The following IGF2BP2 variants were observed in gnomAD, a reference collection of about 807,000 sequenced individuals.
IGF2BP2 encodes insulin like growth factor 2 mRNA binding protein 2.
A neutral mutation model predicts 75.8 loss-of-function variants in IGF2BP2; 17 were observed. That is an observed-to-expected ratio of 0.22 (90% confidence interval 0.15 to 0.34). The LOEUF is 0.34. Ranked by LOEUF, IGF2BP2 falls within the 10% of genes least tolerant of loss-of-function variation. IGF2BP2 has a pLI of 1.00. For missense variants in IGF2BP2, 516 were observed against 772.4 expected (o/e 0.67, Z 3.93); for synonymous variants, 288 against 295.6 (o/e 0.97, Z 0.26).
At chr3:185,705,150 G>A (rs923113711) in intron 2 of IGF2BP2, among the ~76,000 whole-genome samples, 4 of 152,244 alleles carry the variant, frequency 2.6e-5, no homozygotes, top group African/African-American at 9.6e-5. Flanking sequence ...AGGCTAGAGT[G>A]CAGTGGTGCG....
intron 2 of IGF2BP2, among the ~76,000 whole-genome samples, chr3:185,820,261 CACACACACACACAT>C (rs1741199877): frequency 8.0e-6 from 1 of 125,498 alleles, no homozygotes; most frequent in Admixed American, 7.4e-5. Context: ...CACACACACA[CACACACACACACAT>C]AATTTTTAAG....
At chr3:185,667,303 A>C (rs1006051511) in intron 10 of IGF2BP2, among the ~76,000 whole-genome samples, 1 of 150,866 alleles carries the variant, frequency 6.6e-6, no homozygotes, top group Admixed American at 6.6e-5. Context: ...AAAACCAACA[A>C]CTAAAAATTA....
intron 7 of IGF2BP2, among the ~76,000 whole-genome samples, chr3:185,677,058 TATATATATATAGAGAGAG>T (rs1276425459): frequency 1.8e-5 from 1 of 54,560 alleles, no homozygotes; most frequent in African/African-American, 8.3e-5. Flanking sequence ...TATATATATA[TATATATATATAGAGAGAG>T]AGAGAGAGAG....
At chr3:185,649,074 C>G (rs1386111774) in intron 14 of IGF2BP2, among the ~76,000 whole-genome samples, 1 of 151,992 alleles carries the variant, frequency 6.6e-6, no homozygotes, top group Non-Finnish European at 1.5e-5. Context: ...GGGCAGAAGA[C>G]AGCCTCTCTG....
chr3:185,734,902 G>A (rs1187838585), intron 2 of IGF2BP2, among the ~76,000 whole-genome samples: 1 of 152,024 alleles, frequency 6.6e-6, no homozygotes, highest in African/African-American at 2.4e-5. Flanking sequence ...CAACTCCGAC[G>A]TGCCTCAATC....
rs1470611290 is a variant in IGF2BP2, at chr3:185,653,830, G to A, written c.1387-1662C>T. ...GCAAAACCAAAGTAGGGATTCAAGG[G>A]AGGCACCAATCCTGAGTCTAGGTCT... On this transcript the variant is annotated intron_variant, in intron 12 of 15. Transcript: ENST00000382199. Among the ~76,000 whole-genome samples the A allele has an allele frequency of 2.6e-5, 4 of 152,160 alleles. No individual in the cohort carries two copies. In the East Asian group the frequency reaches 7.7e-4, roughly 29 times the overall value.
At chr3:185,718,458 C>A (rs768422471) in intron 2 of IGF2BP2, among the ~76,000 whole-genome samples, 1 of 151,906 alleles carries the variant, frequency 6.6e-6, no homozygotes, top group African/African-American at 2.4e-5. Flanking sequence ...GAGGCCGAGG[C>A]GGGCAGATCA....
chr3:185,813,251 A>C (rs1740152824), intron 2 of IGF2BP2, among the ~76,000 whole-genome samples: 1 of 152,264 alleles, frequency 6.6e-6, no homozygotes, highest in African/African-American at 2.4e-5. Context: ...ATTTTAAAAA[A>C]TAATAAACAG....
chr3:185,708,693 C>A (rs1011967178), intron 2 of IGF2BP2, among the ~76,000 whole-genome samples: 1 of 152,032 alleles, frequency 6.6e-6, no homozygotes, highest in Non-Finnish European at 1.5e-5. Context: ...CCTCATGGGG[C>A]CAGATCAAGT....
intron 2 of IGF2BP2, among the ~76,000 whole-genome samples, chr3:185,733,159 A>G (rs370438419): frequency 6.6e-6 from 1 of 152,230 alleles, no homozygotes; most frequent in East Asian, 1.9e-4. Context: ...TTGTCCCTAC[A>G]AAGTAAGAAT....
intron 2 of IGF2BP2, among the ~76,000 whole-genome samples, chr3:185,766,659 C>A (rs1321717647): frequency 6.6e-6 from 1 of 152,184 alleles, no homozygotes; most frequent in East Asian, 1.9e-4. Context: ...AAAAAGTTTG[C>A]CAACCCCTGG....
intron 10 of IGF2BP2, among the ~76,000 whole-genome samples, chr3:185,660,376 CCCCGAATCT>C (rs1560241040): frequency 6.6e-6 from 1 of 152,206 alleles, no homozygotes; most frequent in Non-Finnish European, 1.5e-5. Flanking sequence ...GCCCTCCATC[CCCCGAATCT>C]CCTGAAGGTT....
intron 13 of IGF2BP2, among the ~76,000 whole-genome samples, chr3:185,651,138 T>G (rs780896400): frequency 6.6e-6 from 1 of 152,182 alleles, no homozygotes; most frequent in Non-Finnish European, 1.5e-5. Flanking sequence ...CTCAAACTCC[T>G]GGGCTCAAGC....
chr3:185,804,162 C>G (rs1738660932), intron 2 of IGF2BP2, among the ~76,000 whole-genome samples: 1 of 150,728 alleles, frequency 6.6e-6, no homozygotes, highest in Non-Finnish European at 1.5e-5. Flanking sequence ...GAGACTGAGG[C>G]AGAGAATCAC....
intron 12 of IGF2BP2, 152 bp downstream of exon 12, chr3:185,657,134 G>A: frequency 1.8e-6 from 1 of 566,074 alleles, no homozygotes; most frequent in Non-Finnish European, 3.2e-6. Context: ...AAAGATGAGA[G>A]CGGACGGGAA....
chr3:185,701,367 TAAA>T (rs558141080), intron 2 of IGF2BP2, among the ~76,000 whole-genome samples: 6 of 117,104 alleles, frequency 5.1e-5, no homozygotes, highest in Admixed American at 9.1e-5. Flanking sequence ...ACCTGCTAAG[TAAA>T]AAAAAAAAAA....
At position 185,652,182 on chromosome 3, in the gene IGF2BP2, G is replaced by C; in HGVS notation, c.1387-14C>G. On this transcript the variant is annotated splice_polypyrimidine_tract_variant and intron_variant, in intron 12 of 15. Coordinates refer to ENST00000382199, the MANE Select transcript of IGF2BP2 (RefSeq NM_006548.6). ...CGCAGGGGCAATCTGTGGTTCACAG[G>C]AGAGGAAAACGCTGATGCTCGGCTG... 6.2e-7 allele frequency: 1 copy of C among 1,605,410 alleles called. No homozygotes were observed. The highest frequency in any genetic ancestry group is 1.3e-5 in the African/African-American group (1 of 74,850).
Position 185,645,529 on chromosome 3 carries a change from C to A in IGF2BP2, c.*2G>T, listed in dbSNP as rs776020429. The A allele has an allele frequency of 3.7e-6, 6 of 1,605,394 alleles. No homozygotes were observed. In the Middle Eastern group the frequency reaches 5.0e-4, roughly 134 times the overall value. Reference sequence around the variant, plus strand: ...GTTGTTTTGCTGGTGCCTGTGGGAGCCTCACTTGCTGCGCTGTGAGGCGAC... The same window carrying A: ...GTTGTTTTGCTGGTGCCTGTGGGAGACTCACTTGCTGCGCTGTGAGGCGAC... On this transcript the variant is annotated 3_prime_UTR_variant, in exon 16 of 16. Coordinates refer to ENST00000382199, the MANE Select transcript of IGF2BP2 (RefSeq NM_006548.6). This position sits in a 1 kb window ranked among gnomAD's most constrained non-coding sequence, Gnocchi z 4.9.
chr3:185,791,610 C>T (rs1358436848), intron 2 of IGF2BP2, among the ~76,000 whole-genome samples: 1 of 152,230 alleles, frequency 6.6e-6, no homozygotes, highest in Non-Finnish European at 1.5e-5. Context: ...GTGTGCATCA[C>T]AGTGAGCTGA....
Sources: allele counts gnomAD v4.1 joint callset (sites outside exome capture counted in the v4.1 genomes callset), GRCh38; gene constraint gnomAD v4.1.1; non-coding constraint Gnocchi (gnomAD v3.1); transcripts MANE v1.5; gene names NCBI Gene and HGNC (gene_info 2026-07-23, HGNC 2026-07-21).